SRCAP: variants seen among roughly 807,000 people sequenced by gnomAD.
SRCAP encodes the protein chromatin remodeling protein SRCAP.
SRCAP carries 46 observed loss-of-function variants against 263.1 expected under a neutral mutation model. That is an observed-to-expected ratio of 0.17 (90% confidence interval 0.14 to 0.22). SRCAP has a LOEUF of 0.22. Among genes scored for constraint, SRCAP ranks in the 10% least tolerant of loss-of-function variants. The pLI is 1.00. For synonymous variants in SRCAP, 1,813 were observed against 1,662.1 expected (o/e 1.09, Z -2.21); for missense variants, 3,695 against 4,181.9 (o/e 0.88, Z 3.21).
chr16:30,708,926 C>G (rs1179246443), intron 6 of SRCAP, among the ~76,000 whole-genome samples: 1 of 152,188 alleles, frequency 6.6e-6, no homozygotes, highest in Non-Finnish European at 1.5e-5. Flanking sequence ...TCAAGCGATT[C>G]TCCTGCCTCT....
intron 27 of SRCAP, among the ~76,000 whole-genome samples, chr16:30,732,746 C>G (rs2053125352): frequency 6.6e-6 from 1 of 152,212 alleles, no homozygotes; most frequent in Non-Finnish European, 1.5e-5. Flanking sequence ...TATTCCCCTA[C>G]TCTTTTAGAC....
Position 30,739,341 on chromosome 16 carries a change from C to T in SRCAP, c.9301C>T (p.Pro3101Ser). ...QDDLDLADSGPGGLELTPPVV... is the reference protein window; with the variant it reads ...QDDLDLADSGSGGLELTPPVV... ...TGACCTGGACTTAGCAGATAGCGGG[C>T]CAGGCGGGTTGGAATTGACACCACC... The change falls in exon 34 of 34, where the codon CCA (proline) becomes TCA (serine). Residue 3101 changes from proline (P) to serine (S), a missense_variant. Coordinates refer to ENST00000262518, the MANE Select transcript of SRCAP (RefSeq NM_006662.3). The T allele has an allele frequency of 6.2e-7, 1 of 1,614,150 alleles. No homozygotes were observed. The highest frequency in any genetic ancestry group is 8.5e-7 in the Non-Finnish European group (1 of 1,180,000).
intron 3 of SRCAP, among the ~76,000 whole-genome samples, chr16:30,702,278 G>A (rs2052774971): frequency 6.6e-6 from 1 of 151,862 alleles, no homozygotes; most frequent in South Asian, 2.1e-4. Context: ...TGTTGCCCAG[G>A]CTGGAGTGCA....
In SRCAP at chr16:30,737,899, A is replaced by G. The variant is rs755812944; in HGVS notation, c.7859A>G (p.Gln2620Arg). 2 of 1,614,186 alleles carry G rather than the reference A, an allele frequency of 1.2e-6. No homozygotes were observed. Among genetic ancestry groups the G allele is most frequent in the South Asian group, 2.2e-5 (2 of 91,092 alleles). The change falls in exon 34 of 34, where the codon CAA (glutamine) becomes CGA (arginine). Residue 2620 changes from glutamine to arginine, a missense_variant. Physicochemically the swap from Gln to Arg is conservative, Grantham distance 43. Transcript: ENST00000262518. ...GAGGCTGGCAGCATCCCCAATGGTC[A>G]AGAGCAGGAGGCACCAGATTCTGCT... ...TLEAGSIPNG[Q>R]EQEAPDSAEG...
Position 30,733,484 on chromosome 16 carries a change from C to T in SRCAP, c.6297+35C>T. 6.2e-7 allele frequency: 1 copy of T among 1,612,312 alleles called. No homozygotes were observed. The highest frequency in any genetic ancestry group is 8.5e-7 in the Non-Finnish European group (1 of 1,178,698). ...GTTTCTGCAGCTCTTAGAGGCTCAC[C>T]TCCGCTTCTCTCTCCTTTTCCCAGG... On this transcript the variant is annotated intron_variant, in intron 28 of 33. Coordinates refer to ENST00000262518, the MANE Select transcript of SRCAP (RefSeq NM_006662.3). This position sits in a 1 kb window ranked among gnomAD's most constrained non-coding sequence, Gnocchi z 5.3.
chr16:30,708,767 G>A (rs1596644586), intron 6 of SRCAP, among the ~76,000 whole-genome samples: 1 of 152,166 alleles, frequency 6.6e-6, no homozygotes, highest in Admixed American at 6.5e-5. Context: ...AGGCTCAAGC[G>A]ATCCTCTCAC....
chr16:30,704,229 T>C lies in SRCAP; in HGVS notation c.220T>C (p.Phe74Leu), dbSNP rs1280797258. ...PDGATVPLEG[F>L]SLSQAADLAN... The stretch of plus-strand genomic sequence containing the variant: ...TGGTGCCACAGTGCCCCTGGAGGGG[T>C]TCAGCTTATCCCAGGCTGCTGACCT... The change falls in exon 4 of 34, where the codon TTC becomes CTC. Residue 74 changes from phenylalanine (F) to leucine (L), a missense_variant. Physicochemically the swap from Phe to Leu is conservative, Grantham distance 22. Transcript: ENST00000262518. 1.2e-6 allele frequency: 2 copies of C among 1,613,942 alleles called. No individual in the cohort carries two copies. Among genetic ancestry groups the C allele is most frequent in the East Asian group, 2.2e-5 (1 of 44,870 alleles).
At chr16:30,729,651 G>T in intron 27 of SRCAP, 79 bp downstream of exon 27, 1 of 1,529,268 alleles carries the variant, frequency 6.5e-7, no homozygotes, top group African/African-American at 1.4e-5. Context: ...GAGGGATGCT[G>T]CACTTAAGTT....
rs934504545 is a variant in SRCAP, at chr16:30,732,984, C to T, written c.6128-296C>T. ...CTGAGTAGCTGGGATTACAGTCACCCGCCATCACGCCCAGCTAATTTTTGT... is the reference window on the plus strand; with the variant it reads ...CTGAGTAGCTGGGATTACAGTCACCTGCCATCACGCCCAGCTAATTTTTGT... On this transcript the variant is annotated intron_variant, in intron 27 of 33. Transcript: ENST00000262518. Among the ~76,000 whole-genome samples, 6 of 152,014 alleles carry T rather than the reference C, an allele frequency of 3.9e-5. No individual in the cohort carries two copies. The East Asian group carries it at 7.7e-4, about 20-fold the overall frequency.
rs923925976 is a variant in SRCAP at position 30,740,790 on chromosome 16, A to G, written c.*1057A>G. 2.6e-5 allele frequency: 4 copies of G among 152,230 alleles called. No homozygotes were observed. The highest frequency in any genetic ancestry group is 2.0e-4 in the Admixed American group (3 of 15,262). The allele number at this position is 152,230 out of a possible 1,614,324, so 9.4% of individuals were successfully genotyped here. The stretch of plus-strand genomic sequence containing the variant: ...CTCCTGTTGACTCTGTGCTTACCTC[A>G]TCTGAGTTATTTCTTTGTATCTACT... On this transcript the variant is annotated 3_prime_UTR_variant, in exon 34 of 34. Transcript: ENST00000262518.
chr16:30,713,455 G>A (rs1218577316), intron 15 of SRCAP, 64 bp from the exon 16 acceptor site: 5 of 1,611,120 alleles, frequency 3.1e-6, no homozygotes, highest in Non-Finnish European at 4.2e-6. Context: ...GAATGTATCA[G>A]AATGCTCAGA....
rs770971401 is a variant in SRCAP at position 30,737,334 on chromosome 16, G to A, written c.7294G>A (p.Ala2432Thr). The change falls in exon 34 of 34, where the codon GCC (alanine) becomes ACC (threonine). Residue 2432 changes from alanine to threonine, a missense_variant. This residue lies in a region of SRCAP where 1,207 missense variants were observed against 1,142.9 expected (regional missense o/e 1.06). Transcript: ENST00000262518. The stretch of plus-strand genomic sequence containing the variant: ...CACCACACCACCCCGCTGCAGTCCT[G>A]CCAGGGAGCGAGTTCCCAGGCCAGC... ...STTTPPRCSP[A>T]RERVPRPAPR... 6.2e-7 allele frequency: 1 copy of A among 1,614,094 alleles called. No homozygotes were observed. The highest frequency in any genetic ancestry group is 8.5e-7 in the Non-Finnish European group (1 of 1,180,026).
intron 16 of SRCAP, among the ~76,000 whole-genome samples, chr16:30,714,849 T>G (rs1378154340): frequency 6.6e-6 from 1 of 152,102 alleles, no homozygotes; most frequent in East Asian, 1.9e-4. Context: ...GTTTTTGTCC[T>G]TACTGTCTTT....
At chr16:30,703,985 GATC>G (rs1405992946) in intron 3 of SRCAP, 76 bp from the exon 4 acceptor site, 1 of 1,489,730 alleles carries the variant, frequency 6.7e-7, no homozygotes, top group Non-Finnish European at 9.0e-7. Context: ...TTCTTGTGAA[GATC>G]GGATGAAATA....
chr16:30,700,498 G>A, intron 2 of SRCAP, 118 bp from the exon 3 acceptor site: 1 of 246,152 alleles, frequency 4.1e-6, no homozygotes, highest in Non-Finnish European at 8.0e-6. Context: ...CTCAAGAAAT[G>A]TAACCTGTAA....
chr16:30,707,535 C>T (rs2052841401), intron 5 of SRCAP, 37 bp from the exon 6 acceptor site: 1 of 1,609,608 alleles, frequency 6.2e-7, no homozygotes, highest in Non-Finnish European at 8.5e-7. Context: ...GGAAGTCTGG[C>T]TTTGAGTGTT....
chr16:30,710,950 G>A (rs756493408), intron 9 of SRCAP, 49 bp from the exon 10 acceptor site: 1 of 1,598,502 alleles, frequency 6.3e-7, no homozygotes, highest in Non-Finnish European at 8.6e-7. Context: ...ACTGTGTCCT[G>A]TGCCTCTAGC....
Position 30,716,527 on chromosome 16 carries a change from T to A in SRCAP, c.2817+48T>A, listed in dbSNP as rs780002342. The A allele has an allele frequency of 4.6e-6, 7 of 1,533,340 alleles. No homozygotes were observed. The African/African-American group carries it at 8.3e-5, about 18-fold the overall frequency. 95.0% of individuals were successfully genotyped at this position (1,533,340 alleles called of 1,614,324 possible). A position where few individuals can be genotyped will look rare whatever the true frequency, so the allele number is the denominator to read the frequency against. ...GAAATGTAAAGGTTATCGGCATTAC[T>A]CCAACCATGTACCTCTTTTCGTTAG... On this transcript the variant is annotated intron_variant, in intron 18 of 33. Coordinates refer to ENST00000262518, the MANE Select transcript of SRCAP (RefSeq NM_006662.3).
Position 30,739,886 on chromosome 16 carries a change from C to A in SRCAP, c.*153C>A. 1 of 1,228,948 alleles carries A rather than the reference C, an allele frequency of 8.1e-7. No individual in the cohort carries two copies. The highest frequency in any genetic ancestry group is 1.1e-6 in the Non-Finnish European group (1 of 929,514). The allele number at this position is 1,228,948 out of a possible 1,614,324, so 76.1% of individuals were successfully genotyped here. A position where few individuals can be genotyped will look rare whatever the true frequency, so the allele number is the denominator to read the frequency against. ...TCTTCCCACCAAAGTAGGGGGTAGG[C>A]AACTGGTTGTCATGGAAATGGGGAT... On this transcript the variant is annotated 3_prime_UTR_variant, in exon 34 of 34. Transcript: ENST00000262518.
Sources: gnomAD v4.1 joint callset for allele counts (sites outside exome capture counted in the v4.1 genomes callset) on GRCh38, gnomAD v4.1.1 for gene constraint, gnomAD v4.1.1 regional missense constraint, Gnocchi (gnomAD v3.1) non-coding constraint, MANE v1.5 for transcripts, NCBI Gene and HGNC (gene_info 2026-07-23, HGNC 2026-07-21) for gene names.